PTPRD: variants seen among roughly 807,000 people sequenced by gnomAD.
PTPRD encodes the protein receptor-type tyrosine-protein phosphatase delta.
Under a neutral mutation model 214.5 loss-of-function variants are expected in PTPRD, and 34 were observed. The observed-to-expected ratio is 0.16, with a 90% CI of 0.12 to 0.21. The LOEUF (loss-of-function observed/expected upper bound fraction) is 0.21, where lower values mean the gene tolerates loss of function less well. PTPRD is among the 10% of genes least tolerant of loss of function. PTPRD has a pLI of 1.00. For missense variants in PTPRD, 2,545 were observed against 2,398.7 expected (o/e 1.06, Z -1.27); for synonymous variants, 1,128 against 845.7 (o/e 1.33, Z -5.79).
intron 3 of PTPRD, among the ~76,000 whole-genome samples, chr9:10,150,570 T>A (rs187157269): frequency 5.3e-5 from 8 of 151,810 alleles, no homozygotes; most frequent in Non-Finnish European, 1.2e-4. Context: ...AACTGACCAG[T>A]TAATGTGCAG....
At chr9:10,220,375 C>A (rs1171964988) in intron 3 of PTPRD, among the ~76,000 whole-genome samples, 1 of 151,830 alleles carries the variant, frequency 6.6e-6, no homozygotes, top group Non-Finnish European at 1.5e-5. Context: ...GATTCAGAAA[C>A]TGAGAACCAA....
chr9:9,405,708 G>C (rs1444155929), intron 8 of PTPRD, among the ~76,000 whole-genome samples: 1 of 151,962 alleles, frequency 6.6e-6, no homozygotes, highest in Non-Finnish European at 1.5e-5. Context: ...ATTGTGGTTG[G>C]TGCAAAATCG....
At chr9:10,584,492 G>A (rs918113952) in intron 2 of PTPRD, among the ~76,000 whole-genome samples, 2 of 152,168 alleles carry the variant, frequency 1.3e-5, no homozygotes, top group African/African-American at 4.8e-5. Flanking sequence ...AGAGTCTACT[G>A]TAGTTCCAGA....
intron 8 of PTPRD, among the ~76,000 whole-genome samples, chr9:9,503,717 T>C (rs2154231365): frequency 6.6e-6 from 1 of 151,630 alleles, no homozygotes; most frequent in African/African-American, 2.4e-5. Flanking sequence ...TAACAAAAAG[T>C]AAATATATAA....
chr9:9,925,969 C>G (rs1169987328), intron 5 of PTPRD, among the ~76,000 whole-genome samples: 2 of 152,020 alleles, frequency 1.3e-5, no homozygotes, highest in African/African-American at 4.8e-5. Context: ...GCTGGGAGTA[C>G]AGATGTACAG....
chr9:9,678,349 T>A (rs2096980560), intron 7 of PTPRD, among the ~76,000 whole-genome samples: 1 of 151,972 alleles, frequency 6.6e-6, no homozygotes, highest in South Asian at 2.1e-4. Flanking sequence ...CAAAACAACA[T>A]GGTACTGGTA....
intron 8 of PTPRD, among the ~76,000 whole-genome samples, chr9:9,489,704 A>T (rs2095818095): frequency 6.6e-6 from 1 of 152,198 alleles, no homozygotes; most frequent in East Asian, 1.9e-4. Context: ...GACAAAAAAT[A>T]TCACTGAGTC....
intron 2 of PTPRD, among the ~76,000 whole-genome samples, chr9:10,586,174 A>T (rs1322286): frequency 0.22 from 33,956 of 151,762 alleles, 4,925 homozygotes; most frequent in East Asian, 0.54. Context: ...TATTAGACAA[A>T]CGTCTCTCCA....
intron 3 of PTPRD, among the ~76,000 whole-genome samples, chr9:10,063,289 C>A (rs956902576): frequency 1.3e-5 from 2 of 151,950 alleles, no homozygotes; most frequent in African/African-American, 4.8e-5. Flanking sequence ...TCTGTCAATA[C>A]CAGAGAAAAT....
At position 8,497,261 on chromosome 9, in the gene PTPRD, A is replaced by G. The variant is rs1335093447; in HGVS notation, c.2330T>C (p.Phe777Ser). 2 of 1,597,656 alleles carry G rather than the reference A, an allele frequency of 1.3e-6. No homozygotes were observed. Among genetic ancestry groups the G allele is most frequent in the Non-Finnish European group, 8.5e-7 (1 of 1,173,946 alleles). The change falls in exon 26 of 46, where the codon TTT becomes TCT. Residue 777 changes from phenylalanine to serine, a missense_variant. Physicochemically the swap from Phe to Ser is radical, Grantham distance 155 (BLOSUM62 -2). Coordinates refer to ENST00000381196, the MANE Select transcript of PTPRD (RefSeq NM_002839.4). ...DVMLADAQWE[F>S]DDTTEHDMII... ...ACTCACATGTTCAGTAGTATCATCAAATTCCCACTGATTGAGAATAAGAAG... is the reference window on the plus strand; with the variant it reads ...ACTCACATGTTCAGTAGTATCATCAGATTCCCACTGATTGAGAATAAGAAG...
At chr9:10,028,880 A>C (rs953930706) in intron 4 of PTPRD, among the ~76,000 whole-genome samples, 1 of 152,182 alleles carries the variant, frequency 6.6e-6, no homozygotes, top group Non-Finnish European at 1.5e-5. Context: ...CAAGACAATG[A>C]GGAAAATGTC....
At chr9:9,276,959 A>G (rs980692724) in intron 9 of PTPRD, among the ~76,000 whole-genome samples, 5 of 151,126 alleles carry the variant, frequency 3.3e-5, no homozygotes, top group Non-Finnish European at 7.4e-5. Flanking sequence ...CCAGGACAGC[A>G]TTTTCAGCAT....
chr9:8,360,978 A>C (rs536778303), intron 39 of PTPRD, among the ~76,000 whole-genome samples: 12 of 152,330 alleles, frequency 7.9e-5, no homozygotes, highest in African/African-American at 2.9e-4. Context: ...TATATTGATG[A>C]GGTATCCCAA....
chr9:10,340,339 G>C (rs953123218), intron 3 of PTPRD, among the ~76,000 whole-genome samples: 11 of 151,874 alleles, frequency 7.2e-5, no homozygotes, highest in African/African-American at 2.2e-4. Context: ...AGCATATACA[G>C]GGTCAACCCA....
intron 2 of PTPRD, among the ~76,000 whole-genome samples, chr9:10,422,196 A>C (rs1156249258): frequency 6.6e-6 from 1 of 152,082 alleles, no homozygotes; most frequent in Non-Finnish European, 1.5e-5. Flanking sequence ...CCTGACAAAA[A>C]CAAGAAATGG....
chr9:10,089,600 T>C (rs558179237), intron 3 of PTPRD, among the ~76,000 whole-genome samples: 1 of 151,756 alleles, frequency 6.6e-6, no homozygotes, highest in African/African-American at 2.4e-5. Context: ...GGTGATTAAG[T>C]ATACCTGCAT....
At chr9:9,878,657 A>G (rs1600667621) in intron 5 of PTPRD, among the ~76,000 whole-genome samples, 1 of 152,268 alleles carries the variant, frequency 6.6e-6, no homozygotes, top group Non-Finnish European at 1.5e-5. Flanking sequence ...TTGTTTCTTC[A>G]TTTTCAAATA....
chr9:10,117,731 G>A, intron 3 of PTPRD, among the ~76,000 whole-genome samples: 1 of 151,536 alleles, frequency 6.6e-6, no homozygotes, highest in East Asian at 1.9e-4. Flanking sequence ...CACAGGAACT[G>A]GGAGTTAGGA....
chr9:10,053,722 A>G (rs1218259381), intron 3 of PTPRD, among the ~76,000 whole-genome samples: 1 of 152,118 alleles, frequency 6.6e-6, no homozygotes, highest in African/African-American at 2.4e-5. Context: ...AAGCTATGAT[A>G]TTAGTTCTGT....
Sources: gnomAD v4.1 joint callset for allele counts (sites outside exome capture counted in the v4.1 genomes callset) on GRCh38, gnomAD v4.1.1 for gene constraint, MANE v1.5 for transcripts, NCBI Gene and HGNC (gene_info 2026-07-23, HGNC 2026-07-21) for gene names.